THBS2: variants seen among roughly 807,000 people sequenced by gnomAD.
The protein encoded by THBS2 is thrombospondin 2.
A neutral mutation model predicts 135.2 loss-of-function variants in THBS2; 47 were observed. That is an observed-to-expected ratio of 0.35 (90% CI 0.28 to 0.44). The LOEUF is 0.44. THBS2 is among the 20% of genes least tolerant of loss of function. THBS2 has a pLI of 1.00. For missense variants in THBS2, 1,288 were observed against 1,603.1 expected (o/e 0.80, Z 3.36); for synonymous variants, 639 against 633.8 (o/e 1.01, Z -0.12).
intron 7 of THBS2, 81 bp from the exon 8 acceptor site, chr6:169,237,876 G>T (rs2115009990): frequency 6.8e-7 from 1 of 1,468,688 alleles, no homozygotes; most frequent in Non-Finnish European, 9.1e-7. Context: ...AGGGCAGCTG[G>T]CGTGGGGCCA....
rs757885353 is a variant in THBS2 at position 169,225,376 on chromosome 6, C to T, written c.2542G>A (p.Asp848Asn). The part of the protein sequence containing the change: ...CPLVHNPDQT[D>N]VDNDLVGDQC... ...TCCCCAACAAGGTCATTGTCCACGTCGGTCTAGGGGATGGGGCGTGAGAGA... is the reference window on the plus strand; with the variant it reads ...TCCCCAACAAGGTCATTGTCCACGTTGGTCTAGGGGATGGGGCGTGAGAGA... Residue 848 changes from aspartate (D) to asparagine (N), a missense_variant, in exon 17 of 22, where the codon GAC (aspartate) becomes AAC (asparagine). Asp to Asn is a conservative substitution (Grantham distance 23). Around this residue, in one of 2 missense-constraint regions of THBS2, gnomAD observed 874 missense variants for 1,156.1 expected, o/e 0.76. Transcript: ENST00000617924. 20 of 1,553,928 alleles carry T rather than the reference C, an allele frequency of 1.3e-5. No homozygotes were observed. The highest frequency in any genetic ancestry group is 7.1e-5 in the South Asian group (6 of 84,310).
Position 169,224,136 on chromosome 6 carries a change from C to T in THBS2, c.2774-661G>A, listed in dbSNP as rs371990162. Among the ~76,000 whole-genome samples the T allele has an allele frequency of 3.1e-3, 217 of 70,070 alleles. 1 individual carries two copies. In the Middle Eastern group the frequency reaches 0.051, roughly 16 times the overall value. The allele number at this position is 70,070 out of a possible 152,430, so 46.0% of individuals were successfully genotyped here. On this transcript the variant is annotated intron_variant, in intron 17 of 21. Coordinates refer to ENST00000617924, the MANE Select transcript of THBS2 (RefSeq NM_003247.5). The stretch of plus-strand genomic sequence containing the variant: ...CTGAATTAGCTATCACGTGGCCTGC[C>T]GTTTTGGAGGAAAGGCAAGTTGGAT...
chr6:169,223,463 C>T lies in THBS2; in HGVS notation c.2786G>A (p.Gly929Asp), dbSNP rs1245272462. 6.2e-7 allele frequency: 1 copy of T among 1,613,868 alleles called. No individual in the cohort carries two copies. The highest frequency in any genetic ancestry group is 8.5e-7 in the Non-Finnish European group (1 of 1,179,982). The change falls in exon 18 of 22, where the codon GGT becomes GAT. Residue 929 changes from glycine to aspartate, a missense_variant. Gly to Asp is a moderately conservative substitution (Grantham distance 94). Around this residue, in one of 2 missense-constraint regions of THBS2, gnomAD observed 874 missense variants for 1,156.1 expected, o/e 0.76. Transcript: ENST00000617924. ...GTCAAAATCATCTTTACAAATATCA[C>T]CCCGTCCATCACCTATGCACAAAGA... The part of the protein sequence containing the change: ...DQEDLDGDGR[G>D]DICKDDFDND...
intron 12 of THBS2, 105 bp from the exon 13 acceptor site, chr6:169,232,303 G>T: frequency 7.8e-7 from 1 of 1,274,912 alleles, no homozygotes; most frequent in Non-Finnish European, 1.1e-6. Context: ...CCGGTCCCAA[G>T]CGGACCCAAG....
At chr6:169,244,923 G>C (rs781579541) in intron 4 of THBS2, among the ~76,000 whole-genome samples, 1 of 152,214 alleles carries the variant, frequency 6.6e-6, no homozygotes, top group African/African-American at 2.4e-5. Flanking sequence ...CTCACAGGAC[G>C]TGCACAAGGA....
At chr6:169,221,261 A>G (rs537865625) in intron 20 of THBS2, among the ~76,000 whole-genome samples, 169 bp downstream of exon 20, 1 of 152,372 alleles carries the variant, frequency 6.6e-6, no homozygotes, top group East Asian at 1.9e-4. Flanking sequence ...AAAATACTTA[A>G]TATTTAGTAG....
At chr6:169,246,743 C>T (rs372729084) in intron 3 of THBS2, among the ~76,000 whole-genome samples, 27 of 152,316 alleles carry the variant, frequency 1.8e-4, no homozygotes, top group African/African-American at 6.0e-4. Flanking sequence ...TGAGTTATGA[C>T]GGGGCTGGGC....
intron 12 of THBS2, 102 bp from the exon 13 acceptor site, chr6:169,232,300 C>CA: frequency 7.9e-7 from 1 of 1,271,356 alleles, no homozygotes; most frequent in South Asian, 1.3e-5. Flanking sequence ...GGTCCGGTCC[C>CA]AAGCGGACCC....
In THBS2 at chr6:169,241,910, G is replaced by A. The variant is rs200118152; in HGVS notation, c.743C>T (p.Pro248Leu). 3.9e-5 allele frequency: 63 copies of A among 1,611,790 alleles called. No homozygotes were observed. Among genetic ancestry groups the A allele is most frequent in the East Asian group, 2.9e-4 (13 of 44,870 alleles). Residue 248 changes from proline to leucine, a missense_variant, in exon 5 of 22, where the codon CCG becomes CTG. Pro to Leu is a moderately conservative substitution (Grantham distance 98). Around this residue, in one of 2 missense-constraint regions of THBS2, gnomAD observed 414 missense variants for 447.0 expected, o/e 0.93. Coordinates refer to ENST00000617924, the MANE Select transcript of THBS2 (RefSeq NM_003247.5). The surrounding 1 kb of genome is among the most constrained non-coding windows in gnomAD (Gnocchi z 5.5). ...GCCCACGTACTCGGTGGTGACATGC[G>A]GACCCAGGCGCAGCGTCTCTGTGTT... ...SENTETLRLG[P>L]HVTTEYVGPS...
In THBS2 at chr6:169,232,693, C is replaced by T. The variant is rs780999116; in HGVS notation, c.1903G>A (p.Gly635Ser). The change falls in exon 12 of 22, where the codon GGC becomes AGC. Residue 635 changes from glycine (G) to serine (S), a missense_variant. By Grantham distance (56) the Gly-to-Ser change is moderately conservative (BLOSUM62 0). Transcript: ENST00000617924. ...RYRGNQPVGV[G>S]LEAAKTEKQV... ...TTTTCCGTCTTGGCTGCTTCCAGGC[C>T]GACCCCGACGGGCTGGTTCCCTCTG... The T allele has an allele frequency of 7.4e-6, 12 of 1,610,788 alleles. No homozygotes were observed. The highest frequency in any genetic ancestry group is 2.2e-5 in the East Asian group (1 of 44,870).
At chr6:169,234,685 C>G (rs746340404) in intron 10 of THBS2, 49 bp downstream of exon 10, 1 of 1,429,142 alleles carries the variant, frequency 7.0e-7, no homozygotes, top group Non-Finnish European at 9.2e-7. Flanking sequence ...TGCTTTTCAT[C>G]AGAATGGAAG....
intron 9 of THBS2, among the ~76,000 whole-genome samples, chr6:169,236,358 C>G (rs374956378): frequency 6.9e-5 from 8 of 115,876 alleles, no homozygotes; most frequent in Non-Finnish European, 9.1e-5. Flanking sequence ...ATCCACACTC[C>G]CCATCCACAC....
Position 169,241,332 on chromosome 6 carries a change from A to C in THBS2, c.891+430T>G, listed in dbSNP as rs1267840807. Among the ~76,000 whole-genome samples the C allele has an allele frequency of 6.6e-6, 1 of 152,116 alleles. No homozygotes were observed. The highest frequency in any genetic ancestry group is 2.4e-5 in the African/African-American group (1 of 41,420). On this transcript the variant is annotated intron_variant, in intron 5 of 21. Coordinates refer to ENST00000617924, the MANE Select transcript of THBS2 (RefSeq NM_003247.5). The surrounding 1 kb of genome is among the most constrained non-coding windows in gnomAD (Gnocchi z 5.5). ...ATTTCACTCCTGCCAGCCTCACAGGAACTTCCCGTCCTGCCTCTTCAGCTA... is the reference window on the plus strand; with the variant it reads ...ATTTCACTCCTGCCAGCCTCACAGGCACTTCCCGTCCTGCCTCTTCAGCTA...
intron 3 of THBS2, among the ~76,000 whole-genome samples, chr6:169,246,790 A>C (rs1780569067): frequency 6.6e-6 from 1 of 152,200 alleles, no homozygotes; most frequent in African/African-American, 2.4e-5. Flanking sequence ...GACACCCATG[A>C]GAAATTGACT....
Position 169,232,997 on chromosome 6 carries a change from A to G in THBS2, c.1672T>C (p.Cys558Arg). ...CPVDGCLSNP[C>R]FPGAQCSSFP... Reference sequence around the variant, plus strand: ...CTGCTGCACTGGGCTCCCGGGAAGCAGGGGTTGGATAAACAGCCATCTGGG... The same window carrying G: ...CTGCTGCACTGGGCTCCCGGGAAGCGGGGGTTGGATAAACAGCCATCTGGG... The change falls in exon 11 of 22, where the codon TGC becomes CGC. Residue 558 changes from cysteine to arginine, a missense_variant. Physicochemically the swap from Cys to Arg is radical, Grantham distance 180. Coordinates refer to ENST00000617924, the MANE Select transcript of THBS2 (RefSeq NM_003247.5). The G allele has an allele frequency of 1.3e-6, 2 of 1,545,006 alleles. No individual in the cohort carries two copies. The highest frequency in any genetic ancestry group is 1.7e-6 in the Non-Finnish European group (2 of 1,148,552).
rs752576833 is a variant in THBS2 at position 169,223,489 on chromosome 6, A to G, written c.2774-14T>C. ...CCCGTCCATCACCTATGCACAAAGA[A>G]CAAGCAAAAACAAAAACAAAAACAA... On this transcript the variant is annotated splice_polypyrimidine_tract_variant and intron_variant, in intron 17 of 21. Coordinates refer to ENST00000617924, the MANE Select transcript of THBS2 (RefSeq NM_003247.5). 1.2e-6 allele frequency: 2 copies of G among 1,601,234 alleles called. No individual in the cohort carries two copies. The highest frequency in any genetic ancestry group is 1.7e-6 in the Non-Finnish European group (2 of 1,170,636).
At chr6:169,240,409 G>C (rs763744415) in intron 6 of THBS2, 43 bp downstream of exon 6, 6 of 1,604,572 alleles carry the variant, frequency 3.7e-6, no homozygotes, top group Non-Finnish European at 5.1e-6. Context: ...CCAAGTGTCC[G>C]ATGGTGGCCT....
rs142711993 is a variant in THBS2, at chr6:169,241,896, C to T, written c.757G>A (p.Glu253Lys). The T allele has an allele frequency of 2.4e-4, 387 of 1,612,154 alleles. No individual in the cohort carries two copies. In the African/African-American group the frequency reaches 3.5e-3, roughly 15 times the overall value. Reference protein sequence around the residue: ...TLRLGPHVTTEYVGPSSERRP... With the variant: ...TLRLGPHVTTKYVGPSSERRP... ...CTCTCCGAGCTGGGGCCCACGTACT[C>T]GGTGGTGACATGCGGACCCAGGCGC... Residue 253 changes from glutamate to lysine, a missense_variant, in exon 5 of 22, where the codon GAG becomes AAG. Physicochemically the swap from Glu to Lys is moderately conservative, Grantham distance 56 (BLOSUM62 1). Around this residue, in one of 2 missense-constraint regions of THBS2, gnomAD observed 414 missense variants for 447.0 expected, o/e 0.93. Transcript: ENST00000617924. This position sits in a 1 kb window ranked among gnomAD's most constrained non-coding sequence, Gnocchi z 5.5.
chr6:169,247,252 T>TGCGC (rs1780582023), intron 3 of THBS2, among the ~76,000 whole-genome samples: 1 of 152,180 alleles, frequency 6.6e-6, no homozygotes, highest in Admixed American at 6.5e-5. Context: ...TGTGTGTGTG[T>TGCGC]GCGCTTGTAT....
Sources: allele counts gnomAD v4.1 joint callset (sites outside exome capture counted in the v4.1 genomes callset), GRCh38; gene constraint gnomAD v4.1.1; regional missense constraint gnomAD v4.1.1; non-coding constraint Gnocchi (gnomAD v3.1); transcripts MANE v1.5; gene names NCBI Gene and HGNC (gene_info 2026-07-23, HGNC 2026-07-21).